Variants in SCN3B observed in about 807,000 individuals in gnomAD.
SCN3B encodes sodium channel regulatory subunit beta-3.
A neutral mutation model predicts 25.4 loss-of-function variants in SCN3B; 11 were observed. The ratio of observed to expected loss-of-function variants is 0.43; its 90% CI spans 0.27 to 0.72. The LOEUF (loss-of-function observed/expected upper bound fraction) is 0.72, where lower values mean the gene tolerates loss of function less well. Among genes scored for constraint, SCN3B ranks in the 30% least tolerant of loss-of-function variants. SCN3B has a pLI of 0.18. For missense variants in SCN3B, 218 were observed against 278.3 expected (o/e 0.78, Z 1.54); for synonymous variants, 109 against 110.7 (o/e 0.99, Z 0.09).
At chr11:123,649,613 C>G (rs1055587161) in intron 2 of SCN3B, among the ~76,000 whole-genome samples, 1 of 151,248 alleles carries the variant, frequency 6.6e-6, no homozygotes. Flanking sequence ...CTTTCTTTTT[C>G]TTTTCTTTCT....
intron 5 of SCN3B, 152 bp downstream of exon 5, chr11:123,638,034 C>T: frequency 2.1e-6 from 2 of 940,986 alleles, no homozygotes; most frequent in Non-Finnish European, 3.3e-6. Context: ...GTGTTCTCAT[C>T]TGTAAAATGG....
intron 2 of SCN3B, among the ~76,000 whole-genome samples, chr11:123,652,841 C>T (rs1955942809): frequency 6.6e-6 from 1 of 152,172 alleles, no homozygotes; most frequent in Non-Finnish European, 1.5e-5. Context: ...CACACACATG[C>T]TAGTGCACAC....
intron 6 of SCN3B, 107 bp downstream of exon 6, chr11:123,634,014 G>T: frequency 1.2e-6 from 1 of 855,192 alleles, no homozygotes; most frequent in Non-Finnish European, 1.9e-6. Flanking sequence ...AGGGTAGACA[G>T]TGACCTAAGG....
At chr11:123,638,511 GA>G in intron 4 of SCN3B, 187 bp from the exon 5 acceptor site, 11 of 741,366 alleles carry the variant, frequency 1.5e-5, no homozygotes, top group Non-Finnish European at 2.2e-5. Context: ...AGCTGCTCAG[GA>G]GCCAGGGAAG....
intron 3 of SCN3B, among the ~76,000 whole-genome samples, chr11:123,645,029 AGCCACTTAGGAGACTCG>A (rs1221552336): frequency 6.6e-6 from 1 of 151,862 alleles, no homozygotes; most frequent in African/African-American, 2.4e-5. Context: ...CTGGGGGTTC[AGCCACTTAGGAGACTCG>A]GCACAGCAAG....
rs1333115742 is a variant in SCN3B, at chr11:123,645,714, G to A, written c.92C>T (p.Ser31Leu). The A allele has an allele frequency of 2.5e-6, 4 of 1,614,130 alleles. No individual in the cohort carries two copies. The highest frequency in any genetic ancestry group is 1.1e-5 in the South Asian group (1 of 91,072). Residue 31 changes from serine (S) to leucine (L), a missense_variant, in exon 3 of 7, where the codon TCG (serine) becomes TTG (leucine). Transcript: ENST00000299333. The part of the protein sequence containing the change: ...VCFPVCVEVP[S>L]ETEAVQGNPM... ...GTTGCCCTGCACGGCCTCCGTCTCC[G>A]AGGGCACTTCCACACACACAGGGAA...
intron 3 of SCN3B, among the ~76,000 whole-genome samples, chr11:123,643,973 T>C (rs1250104664): frequency 6.6e-6 from 1 of 152,252 alleles, no homozygotes; most frequent in Non-Finnish European, 1.5e-5. Flanking sequence ...TAGAAATGGG[T>C]TCGGCTTTAG....
chr11:123,652,582 G>C (rs1282246077), intron 2 of SCN3B, among the ~76,000 whole-genome samples: 1 of 152,218 alleles, frequency 6.6e-6, no homozygotes, highest in Non-Finnish European at 1.5e-5. Context: ...GGGAACATAA[G>C]CTCACATGCC....
chr11:123,644,936 C>T (rs1296514), intron 3 of SCN3B, among the ~76,000 whole-genome samples: 113,070 of 150,742 alleles, frequency 0.75, 43,626 homozygotes, highest in African/African-American at 0.94. Context: ...AGAACTGACA[C>T]TGGCTATGGT....
intron 2 of SCN3B, among the ~76,000 whole-genome samples, chr11:123,651,955 A>G (rs928516310): frequency 6.6e-6 from 1 of 152,210 alleles, no homozygotes; most frequent in African/African-American, 2.4e-5. Context: ...CACAGAAGGA[A>G]CCAGATAGCA....
Position 123,633,759 on chromosome 11 carries a change from C to T in SCN3B, c.*40G>A. ...TTGCTGAACATGGGATGTCCAGTCC[C>T]TCAGGTGTTCAGGCCACCTACCAAA... On this transcript the variant is annotated 3_prime_UTR_variant, in exon 7 of 7. Transcript: ENST00000299333. 2 of 328,360 alleles carry T rather than the reference C, an allele frequency of 6.1e-6. No individual in the cohort carries two copies. Among genetic ancestry groups the T allele is most frequent in the Non-Finnish European group, 1.2e-5 (2 of 167,158 alleles). 20.3% of individuals were successfully genotyped at this position (328,360 alleles called of 1,614,324 possible).
At chr11:123,638,103 T>G in intron 5 of SCN3B, 83 bp downstream of exon 5, 2 of 1,528,842 alleles carry the variant, frequency 1.3e-6, no homozygotes, top group Non-Finnish European at 9.0e-7. Flanking sequence ...AGGATGAATG[T>G]AAACTGCTTA....
intron 2 of SCN3B, among the ~76,000 whole-genome samples, chr11:123,647,055 C>T (rs1955861446): frequency 6.6e-6 from 1 of 151,992 alleles, no homozygotes; most frequent in Non-Finnish European, 1.5e-5. Flanking sequence ...TTCTGCCCAA[C>T]CCTAAAAGTT....
chr11:123,633,097 A>G lies in SCN3B; in HGVS notation c.*702T>C, dbSNP rs1955690537. The stretch of plus-strand genomic sequence containing the variant: ...GAAACATGTTGCATGACTTTTTAAG[A>G]GCCACTTAAATTACCATTGGTCCTT... On this transcript the variant is annotated 3_prime_UTR_variant, in exon 7 of 7. Transcript: ENST00000299333. 6.6e-6 allele frequency: 1 copy of G among 152,210 alleles called. No homozygotes were observed. The highest frequency in any genetic ancestry group is 6.5e-5 in the Admixed American group (1 of 15,284). The allele number at this position is 152,210 out of a possible 1,614,324, so 9.4% of individuals were successfully genotyped here.
intron 5 of SCN3B, 88 bp downstream of exon 5, chr11:123,638,098 G>A: frequency 1.4e-6 from 2 of 1,466,968 alleles, no homozygotes; most frequent in Middle Eastern, 1.7e-4. Context: ...GGTGGAGGAT[G>A]AATGTAAACT....
intron 4 of SCN3B, among the ~76,000 whole-genome samples, chr11:123,641,809 G>A (rs763010817): frequency 3.9e-5 from 6 of 152,318 alleles, no homozygotes; most frequent in Non-Finnish European, 5.9e-5. Context: ...GAGGTTGCAC[G>A]TGTGATTACT....
At chr11:123,650,579 G>T (rs1955912415) in intron 2 of SCN3B, among the ~76,000 whole-genome samples, 1 of 152,184 alleles carries the variant, frequency 6.6e-6, no homozygotes, top group Non-Finnish European at 1.5e-5. Context: ...GGCAGAGAAG[G>T]TACTAGGTGC....
In SCN3B at chr11:123,629,672, T is replaced by G. The variant is rs948067627; in HGVS notation, c.*4127A>C. ...AGGTCTAGGCTAGAGCTTGACAGAG[T>G]GGGTGCAAAAAGATGTTAGTAGAAT... On this transcript the variant is annotated 3_prime_UTR_variant, in exon 7 of 7. Transcript: ENST00000299333. 6.6e-6 allele frequency: 1 copy of G among 151,912 alleles called. No individual in the cohort carries two copies. The highest frequency in any genetic ancestry group is 2.4e-5 in the African/African-American group (1 of 41,332). The allele number at this position is 151,912 out of a possible 1,614,324, so 9.4% of individuals were successfully genotyped here.
intron 2 of SCN3B, among the ~76,000 whole-genome samples, chr11:123,649,454 G>C (rs1349929476): frequency 3.3e-5 from 5 of 152,126 alleles, no homozygotes; most frequent in African/African-American, 1.2e-4. Flanking sequence ...GTATGATCCT[G>C]AAGAGTACAT....
Sources: allele counts gnomAD v4.1 joint callset (sites outside exome capture counted in the v4.1 genomes callset), GRCh38; gene constraint gnomAD v4.1.1; transcripts MANE v1.5; gene names NCBI Gene and HGNC (gene_info 2026-07-23, HGNC 2026-07-21).